Variants in CCDC85C observed in about 807,000 individuals in gnomAD.
CCDC85C encodes coiled-coil domain-containing protein 85C.
CCDC85C carries 18 observed loss-of-function variants against 38.3 expected under a neutral mutation model. The ratio of observed to expected loss-of-function variants is 0.47; its 90% CI spans 0.33 to 0.70. The LOEUF (loss-of-function observed/expected upper bound fraction) is 0.70. CCDC85C is among the 30% of genes least tolerant of loss of function. The probability of loss-of-function intolerance (pLI) is 0.03; values close to 1 mark genes in which losing one functional copy is unlikely to be tolerated. For synonymous variants in CCDC85C, 264 were observed against 293.8 expected, an observed-to-expected ratio of 0.90 and a Z score of 1.04; for missense variants, 566 against 621.2, an observed-to-expected ratio of 0.91 and a Z score of 0.94.
At chr14:99,560,007 T>TTAA (rs529549589) in intron 1 of CCDC85C, among the ~76,000 whole-genome samples, 4 of 146,862 alleles carry the variant, frequency 2.7e-5, no homozygotes, top group Admixed American at 1.3e-4. Context: ...CCTTTGAAAT[T>TTAA]AAAAAAAAAA....
At position 99,603,844 on chromosome 14, in the gene CCDC85C, T is replaced by G. The variant is rs1482639215; in HGVS notation, c.116A>C (p.Glu39Ala). 1.3e-6 allele frequency: 2 copies of G among 1,517,634 alleles called. No homozygotes were observed. 94.0% of individuals were successfully genotyped at this position (1,517,634 alleles called of 1,614,324 possible). A position where few individuals can be genotyped will look rare whatever the true frequency, so the allele number is the denominator to read the frequency against. ...EELARRLRRA[E>A]GEKVGLMLEH... ...CAGCATGAGGCCCACCTTCTCGCCC[T>G]CGGCGCGCCGCAGCCGCCGCGCCAG... Residue 39 changes from glutamate to alanine, a missense_variant, in exon 1 of 6, where the codon GAG becomes GCG. Coordinates refer to ENST00000380243, the MANE Select transcript of CCDC85C (RefSeq NM_001144995.2). The surrounding 1 kb of genome is among the most constrained non-coding windows in gnomAD (Gnocchi z 7.5).
intron 3 of CCDC85C, among the ~76,000 whole-genome samples, chr14:99,521,510 G>A (rs1160648524): frequency 6.6e-6 from 1 of 152,182 alleles, no homozygotes; most frequent in Non-Finnish European, 1.5e-5. Flanking sequence ...GTGCCGCAAC[G>A]AGAACAGCCG....
At chr14:99,561,700 C>T (rs1177442608) in intron 1 of CCDC85C, among the ~76,000 whole-genome samples, 1 of 152,152 alleles carries the variant, frequency 6.6e-6, no homozygotes, top group Non-Finnish European at 1.5e-5. Flanking sequence ...CCACAGCCAC[C>T]CAGGGCCCCA....
intron 2 of CCDC85C, among the ~76,000 whole-genome samples, chr14:99,525,555 C>T (rs1897367913): frequency 6.6e-6 from 1 of 152,224 alleles, no homozygotes; most frequent in Non-Finnish European, 1.5e-5. Context: ...AGCTTTTGGG[C>T]CCTCAAATGT....
intron 1 of CCDC85C, among the ~76,000 whole-genome samples, chr14:99,580,592 T>C (rs2054957829): frequency 6.6e-6 from 1 of 151,884 alleles, no homozygotes; most frequent in Non-Finnish European, 1.5e-5. Context: ...TGGCCGGGCA[T>C]GGTGGCTCAC....
At chr14:99,552,591 G>A (rs1166945444) in intron 1 of CCDC85C, among the ~76,000 whole-genome samples, 2 of 152,204 alleles carry the variant, frequency 1.3e-5, no homozygotes, top group African/African-American at 2.4e-5. Flanking sequence ...AGAGGGTCCT[G>A]GCCAGCTGAA....
rs1266134153 is a variant in CCDC85C, at chr14:99,558,559, T to G, written c.794-22471A>C. 6.6e-6 allele frequency among the ~76,000 whole-genome samples: 1 copy of G among 152,192 alleles called. No individual in the cohort carries two copies. Among genetic ancestry groups the G allele is most frequent in the Non-Finnish European group, 1.5e-5 (1 of 68,038 alleles). On this transcript the variant is annotated intron_variant, in intron 1 of 5. Coordinates refer to ENST00000380243, the MANE Select transcript of CCDC85C (RefSeq NM_001144995.2). The surrounding 1 kb of genome is among the most constrained non-coding windows in gnomAD (Gnocchi z 4.2). ...TTGCTTGAACCCAGGAGGTGGAGGT[T>G]GCAGTGAGCCAAGATTGTGCCACTG...
At chr14:99,568,640 G>A (rs765974673) in intron 1 of CCDC85C, among the ~76,000 whole-genome samples, 14 of 152,306 alleles carry the variant, frequency 9.2e-5, no homozygotes, top group South Asian at 2.1e-4. Context: ...AACAGGGGGC[G>A]ACAGGGTGAA....
Position 99,548,145 on chromosome 14 carries a change from G to A in CCDC85C, c.794-12057C>T, listed in dbSNP as rs940648333. Reference sequence around the variant, plus strand: ...CTAGGTGAGCAGAGTTGGACAACAAGCTGCCATCTGGGAGGAGCCATGTGT... The same window carrying A: ...CTAGGTGAGCAGAGTTGGACAACAAACTGCCATCTGGGAGGAGCCATGTGT... On this transcript the variant is annotated intron_variant, in intron 1 of 5. Transcript: ENST00000380243. This position sits in a 1 kb window ranked among gnomAD's most constrained non-coding sequence, Gnocchi z 4.9. Among the ~76,000 whole-genome samples, 1 of 152,132 alleles carries A rather than the reference G, an allele frequency of 6.6e-6. No homozygotes were observed. Among genetic ancestry groups the A allele is most frequent in the Non-Finnish European group, 1.5e-5 (1 of 68,030 alleles).
chr14:99,579,164 C>T (rs1006898952), intron 1 of CCDC85C, among the ~76,000 whole-genome samples: 1 of 152,240 alleles, frequency 6.6e-6, no homozygotes, highest in African/African-American at 2.4e-5. Context: ...CACACAGTCC[C>T]CTGGGCTCCT....
chr14:99,515,487 C>A (rs1293805680), intron 5 of CCDC85C, among the ~76,000 whole-genome samples, 152 bp from the exon 6 acceptor site: 1 of 152,198 alleles, frequency 6.6e-6, no homozygotes, highest in Non-Finnish European at 1.5e-5. Context: ...CCAGAGACAC[C>A]CACACCAGGT....
chr14:99,581,738 G>A (rs551956895), intron 1 of CCDC85C, among the ~76,000 whole-genome samples: 2 of 152,326 alleles, frequency 1.3e-5, no homozygotes, highest in African/African-American at 2.4e-5. Context: ...GAAAGGCCAC[G>A]AAGCAGGATG....
chr14:99,553,809 T>C (rs114759350), intron 1 of CCDC85C, among the ~76,000 whole-genome samples: 5,662 of 152,244 alleles, frequency 0.037, 253 homozygotes, highest in African/African-American at 0.11. Flanking sequence ...GCGGCGGAGA[T>C]AGGGCAAGGA....
At position 99,509,585 on chromosome 14, in the gene CCDC85C, GGCT is replaced by G. The variant is rs562583133; in HGVS notation, c.*5658_*5660del. On this transcript the variant is annotated 3_prime_UTR_variant, in exon 6 of 6. Coordinates refer to ENST00000380243, the MANE Select transcript of CCDC85C (RefSeq NM_001144995.2). ...CACATGCACACACTCCTCTCAAGGAGGCTGCTATCTGAGAGCACACAGTGGGGT... is the reference window on the plus strand; with the variant it reads ...CACATGCACACACTCCTCTCAAGGAGGCTATCTGAGAGCACACAGTGGGGT... 19 of 155,238 alleles carry G rather than the reference GGCT, an allele frequency of 1.2e-4. No individual in the cohort carries two copies. The highest frequency in any genetic ancestry group is 2.4e-4 in the African/African-American group (9 of 36,764). 9.6% of individuals were successfully genotyped at this position (155,238 alleles called of 1,614,324 possible).
intron 1 of CCDC85C, among the ~76,000 whole-genome samples, chr14:99,551,807 G>T (rs1216086526): frequency 6.6e-6 from 1 of 152,132 alleles, no homozygotes; most frequent in East Asian, 1.9e-4. Context: ...CACCAGCCAG[G>T]CTCAGCCTCC....
chr14:99,529,759 C>T (rs1216555243), intron 2 of CCDC85C, among the ~76,000 whole-genome samples: 1 of 152,230 alleles, frequency 6.6e-6, no homozygotes, highest in Non-Finnish European at 1.5e-5. Context: ...GCCAGAGCAG[C>T]TCCTCAACTT....
chr14:99,559,366 C>A (rs1035602091), intron 1 of CCDC85C, among the ~76,000 whole-genome samples: 3 of 152,126 alleles, frequency 2.0e-5, no homozygotes, highest in African/African-American at 7.2e-5. Flanking sequence ...TCACAAATGA[C>A]CATCATAATG....
At chr14:99,581,593 T>C (rs189351924) in intron 1 of CCDC85C, among the ~76,000 whole-genome samples, 1 of 152,324 alleles carries the variant, frequency 6.6e-6, no homozygotes, top group East Asian at 1.9e-4. Context: ...TCGCTCCCTT[T>C]GTTCCCCGGC....
In CCDC85C at chr14:99,506,004, A is replaced by T. The variant is rs1896964067; in HGVS notation, c.*9242T>A. ...GGAGGTGGGTCCCTGAGGTGAGAGTAATAGCAGTTATAGGATACAGAGGCA... is the reference window on the plus strand; with the variant it reads ...GGAGGTGGGTCCCTGAGGTGAGAGTTATAGCAGTTATAGGATACAGAGGCA... On this transcript the variant is annotated 3_prime_UTR_variant, in exon 6 of 6. Transcript: ENST00000380243. The T allele has an allele frequency of 6.6e-6, 1 of 152,532 alleles. No homozygotes were observed. The highest frequency in any genetic ancestry group is 1.5e-5 in the Non-Finnish European group (1 of 68,246). 9.4% of individuals were successfully genotyped at this position (152,532 alleles called of 1,614,324 possible).
Sources: allele counts gnomAD v4.1 joint callset (sites outside exome capture counted in the v4.1 genomes callset), GRCh38; gene constraint gnomAD v4.1.1; non-coding constraint Gnocchi (gnomAD v3.1); transcripts MANE v1.5; gene names NCBI Gene and HGNC (gene_info 2026-07-23, HGNC 2026-07-21).